The following ZRANB3 variants were observed in gnomAD, a reference collection of about 807,000 sequenced individuals.
ZRANB3 encodes the protein zinc finger RANBP2-type containing 3.
ZRANB3 carries 125 observed loss-of-function variants against 133.8 expected under a neutral mutation model. That is an observed-to-expected ratio of 0.93 (90% CI 0.81 to 1.08). The LOEUF is 1.08. Ranked by LOEUF, ZRANB3 falls within the 50% of genes least tolerant of loss-of-function variation. The pLI is 0.00. For synonymous variants in ZRANB3, 387 were observed against 432.7 expected (o/e 0.89, Z 1.31); for missense variants, 1,229 against 1,275.5 (o/e 0.96, Z 0.56).
At chr2:135,350,370 C>T (rs920212096) in intron 4 of ZRANB3, among the ~76,000 whole-genome samples, 155 bp from the exon 5 acceptor site, 50 of 152,268 alleles carry the variant, frequency 3.3e-4, no homozygotes, top group African/African-American at 1.1e-3. Flanking sequence ...GAAGATTTCA[C>T]AATCCTCAAA....
chr2:135,433,490 A>G (rs1042223563), intron 2 of ZRANB3, among the ~76,000 whole-genome samples: 1 of 152,368 alleles, frequency 6.6e-6, no homozygotes, highest in East Asian at 1.9e-4. Flanking sequence ...AGAACCCAAG[A>G]TAGGCCTACT....
intron 6 of ZRANB3, among the ~76,000 whole-genome samples, chr2:135,329,964 T>C (rs969988335): frequency 6.6e-6 from 1 of 152,188 alleles, no homozygotes; most frequent in African/African-American, 2.4e-5. Context: ...GCTGAGACAG[T>C]GGGGTTTTCT....
At chr2:135,506,526 T>G (rs977845516) in intron 1 of ZRANB3, among the ~76,000 whole-genome samples, 4 of 152,206 alleles carry the variant, frequency 2.6e-5, no homozygotes, top group African/African-American at 9.6e-5. Flanking sequence ...TAAGAAGGAA[T>G]GCTAATGGAG....
intron 2 of ZRANB3, among the ~76,000 whole-genome samples, chr2:135,461,129 C>G (rs1226830347): frequency 6.6e-6 from 1 of 152,160 alleles, no homozygotes; most frequent in African/African-American, 2.4e-5. Context: ...TATTCCCCTT[C>G]CGGGTGGGTG....
At chr2:135,377,017 T>C (rs924984407) in intron 3 of ZRANB3, among the ~76,000 whole-genome samples, 4 of 152,218 alleles carry the variant, frequency 2.6e-5, no homozygotes, top group African/African-American at 9.6e-5. Flanking sequence ...AAAGGAACTG[T>C]ACATTACACC....
At chr2:135,455,869 C>T (rs1293868693) in intron 2 of ZRANB3, among the ~76,000 whole-genome samples, 1 of 152,184 alleles carries the variant, frequency 6.6e-6, no homozygotes, top group South Asian at 2.1e-4. Flanking sequence ...GCTGGGATTA[C>T]AGGCATGAGC....
intron 3 of ZRANB3, among the ~76,000 whole-genome samples, chr2:135,353,898 G>A (rs1287669441): frequency 1.3e-5 from 2 of 152,046 alleles, no homozygotes; most frequent in Admixed American, 1.3e-4. Flanking sequence ...CCAGCTACTT[G>A]GAGGCTGAAG....
intron 3 of ZRANB3, among the ~76,000 whole-genome samples, chr2:135,377,094 G>A (rs1234439579): frequency 6.6e-6 from 1 of 152,148 alleles, no homozygotes; most frequent in African/African-American, 2.4e-5. Flanking sequence ...TGCTATTCAT[G>A]TATACTGGAA....
At chr2:135,349,343 C>T (rs1385773432) in intron 5 of ZRANB3, among the ~76,000 whole-genome samples, 2 of 152,210 alleles carry the variant, frequency 1.3e-5, no homozygotes, top group Non-Finnish European at 2.9e-5. Context: ...ATTCAGTGTT[C>T]ATTAGTAAAC....
intron 6 of ZRANB3, among the ~76,000 whole-genome samples, chr2:135,320,941 C>T (rs2104833722): frequency 6.6e-6 from 1 of 152,242 alleles, no homozygotes; most frequent in Non-Finnish European, 1.5e-5. Context: ...TAGCATATTG[C>T]ATTTGAAAGT....
At chr2:135,438,921 T>G (rs973847766) in intron 2 of ZRANB3, among the ~76,000 whole-genome samples, 1 of 152,102 alleles carries the variant, frequency 6.6e-6, no homozygotes, top group African/African-American at 2.4e-5. Context: ...GTGATTCAAA[T>G]GCACAATCAA....
chr2:135,483,259 G>A lies in ZRANB3; in HGVS notation c.161+21070C>T, dbSNP rs546629523. 9.2e-4 allele frequency among the ~76,000 whole-genome samples: 140 copies of A among 152,124 alleles called. 4 individuals are homozygous for A. In the South Asian group the frequency reaches 0.027, roughly 29 times the overall value. ...ATACATCTGGTCCTGGACTCTTTTT[G>A]GTTGGTAAGCTATTGATTATTGCCA... On this transcript the variant is annotated intron_variant, in intron 2 of 20. Transcript: ENST00000264159.
intron 2 of ZRANB3, among the ~76,000 whole-genome samples, chr2:135,460,555 C>G (rs1690719276): frequency 6.6e-6 from 1 of 152,144 alleles, no homozygotes; most frequent in East Asian, 1.9e-4. Flanking sequence ...GTGTGAGCCA[C>G]CGAGCCTGGA....
chr2:135,231,770 GGAGT>G (rs1695028813), intron 12 of ZRANB3, among the ~76,000 whole-genome samples: 1 of 151,934 alleles, frequency 6.6e-6, no homozygotes. Context: ...CTGAGGCAAA[GGAGT>G]GAGACCCTGT....
At chr2:135,455,112 C>T (rs1056543169) in intron 2 of ZRANB3, among the ~76,000 whole-genome samples, 1 of 150,024 alleles carries the variant, frequency 6.7e-6, no homozygotes, top group Admixed American at 6.7e-5. Flanking sequence ...ATGTCAATGA[C>T]CTGCTCAAAC....
chr2:135,515,900 C>A (rs558926943), intron 1 of ZRANB3, among the ~76,000 whole-genome samples: 22 of 152,066 alleles, frequency 1.4e-4, no homozygotes, highest in African/African-American at 5.3e-4. Context: ...CTACTATTAT[C>A]GTATGGAAGT....
chr2:135,432,660 A>G (rs1285589147), intron 2 of ZRANB3, among the ~76,000 whole-genome samples: 1 of 152,216 alleles, frequency 6.6e-6, no homozygotes, highest in Non-Finnish European at 1.5e-5. Flanking sequence ...AACCTTGTAA[A>G]TCAACTATTC....
intron 8 of ZRANB3, among the ~76,000 whole-genome samples, chr2:135,280,464 G>A (rs567565709): frequency 3.2e-4 from 48 of 152,272 alleles, no homozygotes; most frequent in South Asian, 1.0e-3. Context: ...CTACTCGGGA[G>A]GCTGAGGCAG....
intron 2 of ZRANB3, among the ~76,000 whole-genome samples, chr2:135,394,791 G>A (rs1167984777): frequency 2.6e-5 from 4 of 151,994 alleles, no homozygotes; most frequent in Admixed American, 1.3e-4. Context: ...GAAGAATCCA[G>A]CAAAAGAGAA....
Sources: allele counts gnomAD v4.1 joint callset (sites outside exome capture counted in the v4.1 genomes callset), GRCh38; gene constraint gnomAD v4.1.1; transcripts MANE v1.5; gene names NCBI Gene and HGNC (gene_info 2026-07-23, HGNC 2026-07-21).